Variants in VAMP4 observed in about 807,000 individuals in gnomAD.
VAMP4 encodes vesicle-associated membrane protein 4.
Under a neutral mutation model 23.5 loss-of-function variants are expected in VAMP4, and 19 were observed. That is an observed-to-expected ratio of 0.81 (90% CI 0.56 to 1.19). The LOEUF (loss-of-function observed/expected upper bound fraction) is 1.19, where lower values mean the gene tolerates loss of function less well. VAMP4 is among the 50% of genes most tolerant of loss of function. VAMP4 has a pLI of 0.00. For synonymous variants in VAMP4, 31 were observed against 51.0 expected (o/e 0.61, Z 1.67); for missense variants, 145 against 168.6 (o/e 0.86, Z 0.78).
In VAMP4 at chr1:171,703,577, T is replaced by C. The variant is rs1572235738; in HGVS notation, c.*929A>G. On this transcript the variant is annotated 3_prime_UTR_variant, in exon 8 of 8. Coordinates refer to ENST00000236192, the MANE Select transcript of VAMP4 (RefSeq NM_003762.5). ...GAACAGGAAATGCAAAGATATAAAA[T>C]TCAAAGTATTAATAGATGGTTTTGC... 3 of 151,198 alleles carry C rather than the reference T, an allele frequency of 2.0e-5. No homozygotes were observed. In the Admixed American group the frequency reaches 2.0e-4, roughly 10 times the overall value. The allele number at this position is 151,198 out of a possible 1,614,324, so 9.4% of individuals were successfully genotyped here.
In VAMP4 at chr1:171,704,469, TC is replaced by T; in HGVS notation, c.*36del. 6.5e-7 allele frequency: 1 copy of T among 1,545,254 alleles called. No homozygotes were observed. The highest frequency in any genetic ancestry group is 8.8e-7 in the Non-Finnish European group (1 of 1,138,000). On this transcript the variant is annotated 3_prime_UTR_variant, in exon 8 of 8. Transcript: ENST00000236192. ...ATTATGCAGCAATCTTTTATTACTG[TC>T]CCAGATCTTGTTTAATGAAGATCTC...
rs145384294 is a variant in VAMP4, at chr1:171,740,501, T to G, written c.-50+1409A>C. 2.2e-3 allele frequency among the ~76,000 whole-genome samples: 338 copies of G among 152,314 alleles called. 1 individual carries two copies. Among genetic ancestry groups the G allele is most frequent in the African/African-American group, 7.8e-3 (323 of 41,560 alleles). ...ATAAGAAATGCTTCCAAATCAGAAA[T>G]TATTCACTTGTAACAAAAACCAAAT... is the stretch of plus-strand genomic sequence containing the variant. On this transcript the variant is annotated intron_variant, in intron 1 of 7. Transcript: ENST00000236192.
At chr1:171,724,418 C>CTT (rs1362357811) in intron 3 of VAMP4, among the ~76,000 whole-genome samples, 1 of 152,044 alleles carries the variant, frequency 6.6e-6, no homozygotes, top group East Asian at 1.9e-4. Flanking sequence ...CACATGCATA[C>CTT]ATATGTAACA....
rs959748815 is a variant in VAMP4 at position 171,702,769 on chromosome 1, T to TGAC, written c.*1734_*1736dup. 1.8e-4 allele frequency: 28 copies of TGAC among 152,046 alleles called. No homozygotes were observed. The highest frequency in any genetic ancestry group is 6.5e-4 in the African/African-American group (27 of 41,460). The allele number at this position is 152,046 out of a possible 1,614,324, so 9.4% of individuals were successfully genotyped here. A position where few individuals can be genotyped will look rare whatever the true frequency, so the allele number is the denominator to read the frequency against. The stretch of plus-strand genomic sequence containing the variant: ...CTGTTCAGATGCTGTTTATATTAAT[T>TGAC]GACATTTACAAAGAGCATAGAGACC... On this transcript the variant is annotated 3_prime_UTR_variant, in exon 8 of 8. Coordinates refer to ENST00000236192, the MANE Select transcript of VAMP4 (RefSeq NM_003762.5).
At chr1:171,711,504 G>C (rs1202870767) in intron 4 of VAMP4, among the ~76,000 whole-genome samples, 1 of 152,094 alleles carries the variant, frequency 6.6e-6, no homozygotes, top group African/African-American at 2.4e-5. Context: ...CTTTATATTA[G>C]ATGATGGGGG....
intron 1 of VAMP4, among the ~76,000 whole-genome samples, chr1:171,739,521 T>C (rs543660717): frequency 2.1e-4 from 32 of 152,174 alleles, no homozygotes; most frequent in South Asian, 1.0e-3. Flanking sequence ...AAGGAAGGGA[T>C]TGTGGGAACT....
chr1:171,718,140 C>T (rs887103568), intron 4 of VAMP4, among the ~76,000 whole-genome samples: 3 of 152,266 alleles, frequency 2.0e-5, no homozygotes, highest in Admixed American at 6.5e-5. Flanking sequence ...AAAACTAATA[C>T]ACCCAGTCTA....
At chr1:171,719,906 C>T (rs983636135) in intron 3 of VAMP4, among the ~76,000 whole-genome samples, 25 of 151,522 alleles carry the variant, frequency 1.6e-4, no homozygotes, top group African/African-American at 5.3e-4. Flanking sequence ...ATGATTCTTC[C>T]GGAGATACAG....
chr1:171,708,686 C>T (rs1654740056), intron 6 of VAMP4, among the ~76,000 whole-genome samples: 1 of 146,696 alleles, frequency 6.8e-6, no homozygotes, highest in Non-Finnish European at 1.5e-5. Context: ...CATGGAGAAA[C>T]CCCGTCTCTA....
chr1:171,705,165 A>C (rs1307144997), intron 7 of VAMP4, among the ~76,000 whole-genome samples: 2 of 152,090 alleles, frequency 1.3e-5, no homozygotes, highest in Non-Finnish European at 2.9e-5. Context: ...TCAATGCATA[A>C]CCTTGGTTTA....
At chr1:171,740,388 A>G (rs1476862095) in intron 1 of VAMP4, among the ~76,000 whole-genome samples, 2 of 152,240 alleles carry the variant, frequency 1.3e-5, no homozygotes, top group African/African-American at 4.8e-5. Context: ...TTAAAAAAGA[A>G]TAATCCCAGG....
At chr1:171,725,279 C>T (rs1340032353) in intron 3 of VAMP4, among the ~76,000 whole-genome samples, 1 of 152,122 alleles carries the variant, frequency 6.6e-6, no homozygotes, top group African/African-American at 2.4e-5. Flanking sequence ...CTTTTTAAGG[C>T]TGAATAAATT....
intron 7 of VAMP4, 121 bp downstream of exon 7, chr1:171,706,246 G>A (rs927493594): frequency 8.0e-6 from 7 of 870,560 alleles, no homozygotes; most frequent in Admixed American, 2.7e-5. Flanking sequence ...CCTGAGACAG[G>A]TCAGAAGTCA....
intron 2 of VAMP4, among the ~76,000 whole-genome samples, chr1:171,732,965 G>A (rs2124867095): frequency 6.6e-6 from 1 of 152,066 alleles, no homozygotes; most frequent in South Asian, 2.1e-4. Flanking sequence ...TGACAAACTA[G>A]TAAGAAAAAG....
At chr1:171,713,452 C>T (rs546874798) in intron 4 of VAMP4, among the ~76,000 whole-genome samples, 17 of 152,020 alleles carry the variant, frequency 1.1e-4, no homozygotes, top group Non-Finnish European at 1.5e-4. Context: ...TAGACGAGAT[C>T]GGGCGCATTC....
chr1:171,714,548 G>C lies in VAMP4; in HGVS notation c.165-3734C>G, dbSNP rs192009938. ...GCACTTTGGGAGGCTGAGGCAGGAG[G>C]ATCGCTTGAGCCCAGGAGTTTGAGA... On this transcript the variant is annotated intron_variant, in intron 4 of 7. Coordinates refer to ENST00000236192, the MANE Select transcript of VAMP4 (RefSeq NM_003762.5). 3.1e-4 allele frequency among the ~76,000 whole-genome samples: 47 copies of C among 152,280 alleles called. No individual in the cohort carries two copies. The Middle Eastern group carries it at 0.01, about 33-fold the overall frequency.
rs989459593 is a variant in VAMP4, at chr1:171,704,282, A to G, written c.*224T>C. 55 of 328,826 alleles carry G rather than the reference A, an allele frequency of 1.7e-4. 1 individual carries two copies. The highest frequency in any genetic ancestry group is 4.5e-5 in the Non-Finnish European group (8 of 177,890). The allele number at this position is 328,826 out of a possible 1,614,324, so 20.4% of individuals were successfully genotyped here. A position where few individuals can be genotyped will look rare whatever the true frequency, so the allele number is the denominator to read the frequency against. On this transcript the variant is annotated 3_prime_UTR_variant, in exon 8 of 8. Transcript: ENST00000236192. ...AGATCCTTGAAATATGGAAAAATAGAGGCTAGTTCTCTTTGCCTTAAACAT... is the reference window on the plus strand; with the variant it reads ...AGATCCTTGAAATATGGAAAAATAGGGGCTAGTTCTCTTTGCCTTAAACAT...
intron 5 of VAMP4, 65 bp downstream of exon 5, chr1:171,710,649 G>A: frequency 1.6e-6 from 2 of 1,281,232 alleles, no homozygotes. Context: ...ACGTTGGCTA[G>A]ACAAGTAGAA....
At chr1:171,734,160 T>C (rs1208732941) in intron 2 of VAMP4, among the ~76,000 whole-genome samples, 2 of 148,260 alleles carry the variant, frequency 1.3e-5, no homozygotes, top group Admixed American at 6.9e-5. Flanking sequence ...CCCAGCTACT[T>C]GGGAGGCTGA....
Sources: allele counts gnomAD v4.1 joint callset (sites outside exome capture counted in the v4.1 genomes callset), GRCh38; gene constraint gnomAD v4.1.1; transcripts MANE v1.5; gene names NCBI Gene and HGNC (gene_info 2026-07-23, HGNC 2026-07-21).